The following LCORL variants were observed in gnomAD, a reference collection of about 807,000 sequenced individuals.
The protein encoded by LCORL is ligand dependent nuclear receptor corepressor like.
LCORL carries 41 observed loss-of-function variants against 141.8 expected under a neutral mutation model. The ratio of observed to expected loss-of-function variants is 0.29; its 90% confidence interval spans 0.23 to 0.38. The LOEUF (loss-of-function observed/expected upper bound fraction) is 0.38. Among genes scored for constraint, LCORL ranks in the 10% least tolerant of loss-of-function variants. The pLI, the probability that LCORL is intolerant of heterozygous loss-of-function variation, is 1.00. For missense variants in LCORL, 1,759 were observed against 2,035.0 expected, an observed-to-expected ratio of 0.86 and a Z score of 2.61; for synonymous variants, 618 against 694.1, an observed-to-expected ratio of 0.89 and a Z score of 1.72.
rs1196981601 is a variant in LCORL, at chr4:17,998,484, A to G, written c.154+23114T>C. ...TTTTTTGTTAAAAACTAAGACACAA[A>G]TACACACATTAGCCTAGGCATACAC... On this transcript the variant is annotated intron_variant, in intron 1 of 7. Transcript: ENST00000635767. Among the ~76,000 whole-genome samples, 14 of 152,076 alleles carry G rather than the reference A, an allele frequency of 9.2e-5. 1 individual carries two copies. Among genetic ancestry groups the G allele is most frequent in the Admixed American group, 8.5e-4 (13 of 15,258 alleles).
At chr4:17,850,078 A>G (rs1307959037) in intron 7 of LCORL, among the ~76,000 whole-genome samples, 9 of 149,958 alleles carry the variant, frequency 6.0e-5, no homozygotes, top group Middle Eastern at 3.5e-3. Flanking sequence ...GGCTAGCCAT[A>G]TGTAGAAAGC....
chr4:18,014,751 A>G (rs1724367239), intron 1 of LCORL, among the ~76,000 whole-genome samples: 1 of 152,254 alleles, frequency 6.6e-6, no homozygotes, highest in Non-Finnish European at 1.5e-5. Flanking sequence ...TCAAATACAA[A>G]GATGGCATTA....
At chr4:17,849,413 CAG>C (rs1484698033) in intron 7 of LCORL, among the ~76,000 whole-genome samples, 3 of 152,198 alleles carry the variant, frequency 2.0e-5, no homozygotes, top group East Asian at 1.9e-4. Context: ...CCCAGGCAAA[CAG>C]GGTCTGGAGT....
chr4:17,884,078 A>T lies in LCORL; in HGVS notation c.776+1990T>A. On this transcript the variant is annotated intron_variant, in intron 6 of 7. Transcript: ENST00000635767. This position sits in a 1 kb window ranked among gnomAD's most constrained non-coding sequence, Gnocchi z 4.4. ...TTTAGAATTAAGACACAAAGGAGAGAGGTCCCCATGTAGAAAGTAAGAGTC... is the reference window on the plus strand; with the variant it reads ...TTTAGAATTAAGACACAAAGGAGAGTGGTCCCCATGTAGAAAGTAAGAGTC... The T allele has an allele frequency of 6.4e-7, 1 of 1,550,670 alleles. No homozygotes were observed.
At chr4:17,965,541 G>T (rs1024917469) in intron 2 of LCORL, among the ~76,000 whole-genome samples, 1 of 152,016 alleles carries the variant, frequency 6.6e-6, no homozygotes, top group African/African-American at 2.4e-5. Context: ...AAAAGGTAAC[G>T]TCATAATTAA....
In LCORL at chr4:17,847,471, C is replaced by A. The variant is rs376132761; in HGVS notation, c.5603-1570G>T. Among the ~76,000 whole-genome samples the A allele has an allele frequency of 2.6e-5, 4 of 152,154 alleles. 1 individual carries two copies. In the East Asian group the frequency reaches 7.7e-4, roughly 29 times the overall value. On this transcript the variant is annotated intron_variant, in intron 7 of 7. Coordinates refer to ENST00000635767, the Ensembl canonical transcript of LCORL. ...TCTAACTGCATTCTCCCCAAACAGT[C>A]CCAGTCCCACAGAATACAGTTTCAA...
intron 4 of LCORL, among the ~76,000 whole-genome samples, chr4:17,933,958 C>G (rs1193948043): frequency 6.6e-6 from 1 of 152,000 alleles, no homozygotes; most frequent in African/African-American, 2.4e-5. Context: ...TTCTAAGTAA[C>G]AGTCCTTTTA....
chr4:18,014,477 A>G (rs1221883054), intron 1 of LCORL, among the ~76,000 whole-genome samples: 1 of 152,160 alleles, frequency 6.6e-6, no homozygotes, highest in Non-Finnish European at 1.5e-5. Flanking sequence ...CCTAATGCTT[A>G]CTGCATAAAA....
intron 4 of LCORL, among the ~76,000 whole-genome samples, chr4:17,959,900 T>C (rs879284646): frequency 3.0e-4 from 45 of 152,138 alleles, no homozygotes; most frequent in Non-Finnish European, 4.9e-4. Flanking sequence ...TTTAAAATAA[T>C]ATTTCTTGCC....
At chr4:17,901,817 G>C (rs1478227428) in intron 5 of LCORL, among the ~76,000 whole-genome samples, 2 of 152,056 alleles carry the variant, frequency 1.3e-5, no homozygotes, top group Non-Finnish European at 2.9e-5. Context: ...CAGCAGATAA[G>C]ATGGTTGAAA....
chr4:17,911,052 T>C (rs1732438216), intron 4 of LCORL, among the ~76,000 whole-genome samples: 1 of 152,164 alleles, frequency 6.6e-6, no homozygotes, highest in Admixed American at 6.5e-5. Flanking sequence ...ACATATTCTC[T>C]CCATGCCTCA....
At chr4:17,901,927 T>C (rs1487018846) in intron 5 of LCORL, among the ~76,000 whole-genome samples, 1 of 152,008 alleles carries the variant, frequency 6.6e-6, no homozygotes, top group Non-Finnish European at 1.5e-5. Context: ...AATAAGAATA[T>C]CAATGTGTGT....
intron 1 of LCORL, among the ~76,000 whole-genome samples, chr4:18,004,635 C>T (rs954280696): frequency 6.6e-6 from 1 of 152,152 alleles, no homozygotes; most frequent in African/African-American, 2.4e-5. Flanking sequence ...TCATTCCACC[C>T]TGGCCCCTCC....
At position 18,021,550 on chromosome 4, in the gene LCORL, C is replaced by T; in HGVS notation, c.154+48G>A. 6.7e-7 allele frequency: 1 copy of T among 1,484,126 alleles called. No individual in the cohort carries two copies. 91.9% of individuals were successfully genotyped at this position (1,484,126 alleles called of 1,614,324 possible). On this transcript the variant is annotated intron_variant, in intron 1 of 7. Transcript: ENST00000635767. The surrounding 1 kb of genome is among the most constrained non-coding windows in gnomAD (Gnocchi z 5.5). ...CAGCCACAAACTCCTCGGGCTGCGA[C>T]AGCGGTCGCCGCGCGGAGCCCGGGG... is the stretch of plus-strand genomic sequence containing the variant.
At chr4:17,847,630 AAG>A (rs1457662150) in intron 7 of LCORL, among the ~76,000 whole-genome samples, 1 of 152,220 alleles carries the variant, frequency 6.6e-6, no homozygotes, top group Non-Finnish European at 1.5e-5. Flanking sequence ...ATATGTGACA[AAG>A]AGATCCAAAG....
At chr4:17,877,966 T>A in exon 7 of LCORL, 1 of 1,230,690 alleles carries the variant, frequency 8.1e-7, no homozygotes. Flanking sequence ...TCTGCCAGCC[T>A]ATATTCACAA....
chr4:17,954,850 G>T (rs1379420983), intron 4 of LCORL, among the ~76,000 whole-genome samples: 1 of 152,214 alleles, frequency 6.6e-6, no homozygotes, highest in Non-Finnish European at 1.5e-5. Context: ...AAAAGCTGGG[G>T]AAGGGAAATA....
chr4:17,907,549 A>C (rs1234224946), intron 5 of LCORL, among the ~76,000 whole-genome samples: 2 of 152,204 alleles, frequency 1.3e-5, no homozygotes, highest in African/African-American at 4.8e-5. Context: ...TGGAAAAGCA[A>C]ATAAAAAAAA....
chr4:18,009,791 T>C (rs547107636), intron 1 of LCORL, among the ~76,000 whole-genome samples: 85 of 151,706 alleles, frequency 5.6e-4, no homozygotes, highest in Non-Finnish European at 1.0e-3. Context: ...TACCCTGCCT[T>C]AGCATGCCTT....
Sources: gnomAD v4.1 joint callset for allele counts (sites outside exome capture counted in the v4.1 genomes callset) on GRCh38, gnomAD v4.1.1 for gene constraint, Gnocchi (gnomAD v3.1) non-coding constraint, MANE v1.5 for transcripts, NCBI Gene and HGNC (gene_info 2026-07-23, HGNC 2026-07-21) for gene names.